The following ABCA10 variants were observed in gnomAD, a reference collection of about 807,000 sequenced individuals.
ABCA10 encodes the protein ATP-binding cassette sub-family A member 10.
Under a neutral mutation model 187.5 loss-of-function variants are expected in ABCA10, and 169 were observed. The ratio of observed to expected loss-of-function variants is 0.90; its 90% confidence interval spans 0.80 to 1.02. ABCA10 has a LOEUF of 1.02. Among genes scored for constraint, ABCA10 ranks in the 50% least tolerant of loss-of-function variants. The pLI, the probability that ABCA10 is intolerant of heterozygous loss-of-function variation, is 0.00. For synonymous variants in ABCA10, 574 were observed against 601.8 expected (o/e 0.95, Z 0.68); for missense variants, 1,727 against 1,812.4 (o/e 0.95, Z 0.86).
Position 69,221,907 on chromosome 17 carries a change from A to T in ABCA10, c.200-12T>A. The T allele has an allele frequency of 6.3e-7, 1 of 1,579,468 alleles. No individual in the cohort carries two copies. Among genetic ancestry groups the T allele is most frequent in the South Asian group, 1.2e-5 (1 of 86,310 alleles). On this transcript the variant is annotated splice_polypyrimidine_tract_variant and intron_variant, in intron 4 of 38. Coordinates refer to ENST00000690296, the MANE Select transcript of ABCA10 (RefSeq NM_001377321.1). ...GGCCCAACAGTGTTCTTTAAGGAAG[A>T]AGAAAAACATGTCCATAGTTATATA...
intron 1 of ABCA10, among the ~76,000 whole-genome samples, chr17:69,241,472 A>G (rs1373386530): frequency 1.3e-5 from 2 of 152,100 alleles, no homozygotes; most frequent in African/African-American, 2.4e-5. Context: ...AAACCCTCCA[A>G]TGACTTCTGA....
intron 22 of ABCA10, chr17:69,175,756 A>C: frequency 3.5e-6 from 1 of 284,984 alleles, no homozygotes; most frequent in Non-Finnish European, 6.6e-6. Context: ...CCGTTTCCAC[A>C]GGGGATATAT....
intron 9 of ABCA10, among the ~76,000 whole-genome samples, chr17:69,206,631 T>C (rs990682668): frequency 6.6e-6 from 1 of 152,242 alleles, no homozygotes; most frequent in Admixed American, 6.5e-5. Flanking sequence ...TTTAGTTTGA[T>C]GTAGACTCTG....
chr17:69,162,295 C>G (rs1006570900), intron 27 of ABCA10, among the ~76,000 whole-genome samples: 3 of 152,228 alleles, frequency 2.0e-5, no homozygotes, highest in Admixed American at 2.0e-4. Flanking sequence ...AAAACAATGG[C>G]TACCAAAAGG....
chr17:69,194,474 T>C lies in ABCA10; in HGVS notation c.1256A>G (p.Glu419Gly). 1 of 1,606,880 alleles carries C rather than the reference T, an allele frequency of 6.2e-7. No homozygotes were observed. The stretch of plus-strand genomic sequence containing the variant: ...CCCAAGTATTGCAGTGATCTGTCCT[T>C]CATATATGTCAAAAAATATGCCTGT... ...ALQGIFFDIY[E>G]GQITAILGHN... The change falls in exon 12 of 39, where the codon GAA becomes GGA. Residue 419 changes from glutamate to glycine, a missense_variant. Physicochemically the swap from Glu to Gly is moderately conservative, Grantham distance 98. Transcript: ENST00000690296.
chr17:69,216,390 T>C (rs199654002), intron 6 of ABCA10, 32 bp from the exon 7 acceptor site: 287 of 1,584,730 alleles, frequency 1.8e-4, no homozygotes, highest in Admixed American at 6.3e-4. Context: ...AGTTCAACTG[T>C]CACAAACATA....
At chr17:69,155,665 G>C (rs2074168019) in intron 29 of ABCA10, 140 bp downstream of exon 29, 1 of 1,147,296 alleles carries the variant, frequency 8.7e-7, no homozygotes, top group South Asian at 2.1e-5. Context: ...TACTTTTAAA[G>C]AGAATAATTT....
At chr17:69,161,341 T>C (rs1335294839) in intron 27 of ABCA10, among the ~76,000 whole-genome samples, 3 of 152,218 alleles carry the variant, frequency 2.0e-5, no homozygotes, top group African/African-American at 7.2e-5. Flanking sequence ...ATTGTAAATA[T>C]GCTTAAAAAA....
chr17:69,222,262 C>T (rs916724144), intron 4 of ABCA10, among the ~76,000 whole-genome samples: 6 of 150,978 alleles, frequency 4.0e-5, no homozygotes, highest in African/African-American at 9.8e-5. Context: ...CACTGGATCT[C>T]GGGAGGCAGC....
At chr17:69,222,821 G>T (rs2074761054) in intron 3 of ABCA10, 124 bp from the exon 4 acceptor site, 7 of 840,098 alleles carry the variant, frequency 8.3e-6, no homozygotes, top group Non-Finnish European at 1.2e-5. Context: ...CTGGATAGCT[G>T]CCTCTTAGTA....
At chr17:69,193,779 T>C (rs759572136) in intron 13 of ABCA10, 35 bp downstream of exon 13, 43 of 1,593,438 alleles carry the variant, frequency 2.7e-5, no homozygotes, top group Non-Finnish European at 3.2e-5. Context: ...AAGTAAATTA[T>C]TTCCAAAGCC....
chr17:69,218,784 T>C (rs530564151), intron 6 of ABCA10, among the ~76,000 whole-genome samples: 2 of 152,318 alleles, frequency 1.3e-5, no homozygotes, highest in Admixed American at 1.3e-4. Context: ...CTGATACCGT[T>C]TGATGAATTC....
intron 11 of ABCA10, 51 bp downstream of exon 11, chr17:69,197,013 A>AGGGGG: frequency 9.3e-7 from 1 of 1,079,970 alleles, no homozygotes; most frequent in Non-Finnish European, 1.2e-6. Flanking sequence ...GGACAGAGGG[A>AGGGGG]GGGGGAGGGG....
intron 25 of ABCA10, among the ~76,000 whole-genome samples, chr17:69,168,325 A>C (rs143197427): frequency 9.1e-4 from 139 of 152,254 alleles, no homozygotes; most frequent in African/African-American, 3.1e-3. Context: ...TCAAGGGTCA[A>C]ATATATTTTG....
At chr17:69,235,662 G>T (rs1458073685) in intron 1 of ABCA10, among the ~76,000 whole-genome samples, 1 of 151,930 alleles carries the variant, frequency 6.6e-6, no homozygotes, top group Non-Finnish European at 1.5e-5. Flanking sequence ...CTGGTGGTCA[G>T]AGTTTCACTC....
At chr17:69,232,055 C>T (rs1330128915), upstream of ABCA10, among the ~76,000 whole-genome samples, 1 of 151,928 alleles carries the variant, frequency 6.6e-6, no homozygotes, top group East Asian at 1.9e-4. Flanking sequence ...AGTATAGCTA[C>T]TCCTACTCTT....
intron 27 of ABCA10, among the ~76,000 whole-genome samples, chr17:69,157,259 CTAGAGT>C (rs2074181689): frequency 6.6e-6 from 1 of 152,082 alleles, no homozygotes; most frequent in Non-Finnish European, 1.5e-5. Flanking sequence ...AACTCTTGTC[CTAGAGT>C]TATTCTTTAT....
At chr17:69,205,318 T>A (rs371786168) in intron 9 of ABCA10, among the ~76,000 whole-genome samples, 1 of 152,182 alleles carries the variant, frequency 6.6e-6, no homozygotes, top group East Asian at 1.9e-4. Context: ...AGCCTCTAGA[T>A]GGAAAAACAC....
intron 10 of ABCA10, among the ~76,000 whole-genome samples, chr17:69,200,483 T>C (rs2074535543): frequency 6.6e-6 from 1 of 152,118 alleles, no homozygotes; most frequent in African/African-American, 2.4e-5. Flanking sequence ...TGCCCAAAAA[T>C]CTTGAATAAA....
Sources: allele counts gnomAD v4.1 joint callset (sites outside exome capture counted in the v4.1 genomes callset), GRCh38; gene constraint gnomAD v4.1.1; transcripts MANE v1.5; gene names NCBI Gene and HGNC (gene_info 2026-07-23, HGNC 2026-07-21).